The following CADM2 variants were observed in gnomAD, a reference collection of about 807,000 sequenced individuals.
CADM2 encodes immunoglobulin superfamily member 4D.
CADM2 carries 12 observed loss-of-function variants against 49.8 expected under a neutral mutation model. The observed-to-expected ratio is 0.24, with a 90% CI of 0.15 to 0.39. The LOEUF (loss-of-function observed/expected upper bound fraction) is 0.39, where lower values mean the gene tolerates loss of function less well. Among genes scored for constraint, CADM2 ranks in the 10% least tolerant of loss-of-function variants. The probability of loss-of-function intolerance (pLI) is 1.00; values close to 1 mark genes in which losing one functional copy is unlikely to be tolerated. For missense variants in CADM2, 378 were observed against 492.3 expected, an observed-to-expected ratio of 0.77 and a Z score of 2.20; for synonymous variants, 214 against 175.4, an observed-to-expected ratio of 1.22 and a Z score of -1.74.
chr3:85,628,580 C>CACATATATGTACATATATAT (rs1553752222), intron 1 of CADM2, among the ~76,000 whole-genome samples: 7 of 142,682 alleles, frequency 4.9e-5, no homozygotes, highest in Admixed American at 1.4e-4. Context: ...TATATACACA[C>CACATATATGTACATATATAT]ACATATATAT....
At chr3:85,647,326 C>T (rs995536411) in intron 1 of CADM2, among the ~76,000 whole-genome samples, 1 of 151,476 alleles carries the variant, frequency 6.6e-6, no homozygotes, top group Non-Finnish European at 1.5e-5. Flanking sequence ...CGGAGCTTTC[C>T]TTTTAGCTTA....
chr3:85,056,837 C>T (rs17022387), intron 1 of CADM2, among the ~76,000 whole-genome samples: 7,809 of 151,962 alleles, frequency 0.051, 253 homozygotes, highest in African/African-American at 0.075. Context: ...TTCATATAGA[C>T]GCTGAAAAAA....
At chr3:85,834,857 A>C (rs2074337007) in intron 3 of CADM2, among the ~76,000 whole-genome samples, 1 of 151,622 alleles carries the variant, frequency 6.6e-6, no homozygotes, top group African/African-American at 2.4e-5. Flanking sequence ...TAATTTCCTC[A>C]ATTTGAGTGT....
In CADM2 at chr3:85,491,310, T is replaced by A. The variant is rs2039659157; in HGVS notation, c.62-235212T>A. Among the ~76,000 whole-genome samples, 5 of 152,182 alleles carry A rather than the reference T, an allele frequency of 3.3e-5. No homozygotes were observed. The South Asian group carries it at 1.0e-3, about 31-fold the overall frequency. On this transcript the variant is annotated intron_variant, in intron 1 of 9. Coordinates refer to ENST00000383699, the MANE Select transcript of CADM2 (RefSeq NM_001167675.2). ...GTGTCATTTTATTTAGATTTGGAAA[T>A]TTTTTAATAAGACAAAATAGAAAAA...
chr3:85,812,583 G>T (rs1437285447), intron 3 of CADM2, among the ~76,000 whole-genome samples: 1 of 151,548 alleles, frequency 6.6e-6, no homozygotes, highest in Non-Finnish European at 1.5e-5. Context: ...AGGTTCTGGG[G>T]CATATGTGCA....
chr3:85,501,535 T>C (rs1377059736), intron 1 of CADM2, among the ~76,000 whole-genome samples: 2 of 152,142 alleles, frequency 1.3e-5, no homozygotes, highest in African/African-American at 4.8e-5. Context: ...CCTAACGTTG[T>C]ATGAATTTTT....
rs192230398 is a variant in CADM2 at position 85,244,984 on chromosome 3, C to T, written c.61+285316C>T. 1.4e-4 allele frequency among the ~76,000 whole-genome samples: 22 copies of T among 152,196 alleles called. No individual in the cohort carries two copies. The South Asian group carries it at 2.5e-3, about 17-fold the overall frequency. On this transcript the variant is annotated intron_variant, in intron 1 of 9. Coordinates refer to ENST00000383699, the MANE Select transcript of CADM2 (RefSeq NM_001167675.2). ...TATTTTACAAAAGACTAAAATGACACCTGCAATACAGTATTACTCTCAAGT... is the reference window on the plus strand; with the variant it reads ...TATTTTACAAAAGACTAAAATGACATCTGCAATACAGTATTACTCTCAAGT...
At chr3:85,444,829 A>G (rs1178985468) in intron 1 of CADM2, among the ~76,000 whole-genome samples, 1 of 152,178 alleles carries the variant, frequency 6.6e-6, no homozygotes, top group Non-Finnish European at 1.5e-5. Context: ...TTGTTTAATT[A>G]ATTAATATAA....
chr3:86,001,232 T>A (rs1375800403), intron 8 of CADM2, among the ~76,000 whole-genome samples: 1 of 152,130 alleles, frequency 6.6e-6, no homozygotes, highest in African/African-American at 2.4e-5. Context: ...CATGTTGAGT[T>A]CGTTGGGTAT....
rs36014885 is a variant in CADM2, at chr3:85,552,366, G to GTTTTT, written c.62-174130_62-174126dup. On this transcript the variant is annotated intron_variant, in intron 1 of 9. Coordinates refer to ENST00000383699, the MANE Select transcript of CADM2 (RefSeq NM_001167675.2). ...TAAAATAATTAAATCACTTTGAAAAGTTTTTTTTTTTTTTTTTTTTTTTTT... is the reference window on the plus strand; with the variant it reads ...TAAAATAATTAAATCACTTTGAAAAGTTTTTTTTTTTTTTTTTTTTTTTTTTTTTT... Among the ~76,000 whole-genome samples, 15 of 87,574 alleles carry GTTTTT rather than the reference G, an allele frequency of 1.7e-4. 1 individual carries two copies. The highest frequency in any genetic ancestry group is 5.1e-4 in the African/African-American group (11 of 21,566). The allele number at this position is 87,574 out of a possible 152,430, so 57.5% of individuals were successfully genotyped here.
intron 2 of CADM2, among the ~76,000 whole-genome samples, chr3:85,793,672 C>A (rs1159466978): frequency 1.3e-5 from 2 of 152,126 alleles, no homozygotes; most frequent in African/African-American, 2.4e-5. Context: ...CTGGTGTGAG[C>A]CAACTCCAGC....
At chr3:85,434,056 T>C (rs1236261488) in intron 1 of CADM2, among the ~76,000 whole-genome samples, 1 of 152,092 alleles carries the variant, frequency 6.6e-6, no homozygotes, top group East Asian at 1.9e-4. Flanking sequence ...TCGATTAAGT[T>C]TAGATTTTGC....
Position 85,140,351 on chromosome 3 carries a change from G to A in CADM2, c.61+180683G>A, listed in dbSNP as rs569720028. Among the ~76,000 whole-genome samples the A allele has an allele frequency of 9.2e-5, 14 of 152,266 alleles. No homozygotes were observed. The South Asian group carries it at 2.5e-3, about 27-fold the overall frequency. ...GGAAGTTTCGAAGGGTGGGGTAAAT[G>A]TGGTTTCTTTATTGTGCATTGAGTA... On this transcript the variant is annotated intron_variant, in intron 1 of 9. Transcript: ENST00000383699.
chr3:85,341,416 G>A (rs2045236802), intron 1 of CADM2, among the ~76,000 whole-genome samples: 1 of 151,936 alleles, frequency 6.6e-6, no homozygotes, highest in African/African-American at 2.4e-5. Context: ...ACTAAAAATG[G>A]TTAGGGTAAC....
At chr3:85,444,996 A>G (rs2037379633) in intron 1 of CADM2, among the ~76,000 whole-genome samples, 1 of 152,122 alleles carries the variant, frequency 6.6e-6, no homozygotes, top group Non-Finnish European at 1.5e-5. Context: ...TATTATCAGT[A>G]TTATTAGCCT....
intron 1 of CADM2, among the ~76,000 whole-genome samples, chr3:84,971,686 A>C (rs947687092): frequency 1.3e-5 from 2 of 152,160 alleles, no homozygotes; most frequent in African/African-American, 4.8e-5. Flanking sequence ...TATCCCTGAA[A>C]GATACAACAG....
At chr3:85,766,456 G>A (rs1278181623) in intron 2 of CADM2, among the ~76,000 whole-genome samples, 2 of 152,100 alleles carry the variant, frequency 1.3e-5, no homozygotes, top group Admixed American at 6.6e-5. Context: ...CTAAAAATTC[G>A]TTGGCTAAAG....
At position 85,949,616 on chromosome 3, in the gene CADM2, A is replaced by C. The variant is rs117453932; in HGVS notation, c.792-11853A>C. Among the ~76,000 whole-genome samples the C allele has an allele frequency of 4.1e-3, 618 of 150,582 alleles. 24 individuals carry two copies. The East Asian group carries it at 0.085, about 21-fold the overall frequency. ...TTTAAAAAATACCTTCAAAACTTTC[A>C]GTTTTAAGTTTCAATTATCTTCAAG... On this transcript the variant is annotated intron_variant, in intron 7 of 9. Coordinates refer to ENST00000383699, the MANE Select transcript of CADM2 (RefSeq NM_001167675.2).
In CADM2 at chr3:85,183,786, T is replaced by C. The variant is rs149072633; in HGVS notation, c.61+224118T>C. Among the ~76,000 whole-genome samples the C allele has an allele frequency of 5.3e-5, 8 of 152,228 alleles. No homozygotes were observed. In the East Asian group the frequency reaches 1.5e-3, roughly 29 times the overall value. ...TAATGCAAGGCGAATTTGTAGAACA[T>C]AGCTCCAGAATAAGGAATGGAGTAT... On this transcript the variant is annotated intron_variant, in intron 1 of 9. Transcript: ENST00000383699.
Sources: gnomAD v4.1 joint callset for allele counts (sites outside exome capture counted in the v4.1 genomes callset) on GRCh38, gnomAD v4.1.1 for gene constraint, MANE v1.5 for transcripts, NCBI Gene and HGNC (gene_info 2026-07-23, HGNC 2026-07-21) for gene names.